Variants in SYNPR observed in about 807,000 individuals in gnomAD.
The protein encoded by SYNPR is synaptoporin.
A neutral mutation model predicts 32.9 loss-of-function variants in SYNPR; 23 were observed. The observed-to-expected ratio is 0.70, with a 90% CI of 0.50 to 0.99. The LOEUF is 0.99. SYNPR is among the 50% of genes least tolerant of loss of function. The pLI, the probability that SYNPR is intolerant of heterozygous loss-of-function variation, is 0.00. For missense variants in SYNPR, 318 were observed against 349.3 expected (o/e 0.91, Z 0.71); for synonymous variants, 146 against 135.9 (o/e 1.07, Z -0.52).
intron 1 of SYNPR, among the ~76,000 whole-genome samples, chr3:63,230,362 A>AT (rs2086157548): frequency 6.6e-6 from 1 of 152,188 alleles, no homozygotes; most frequent in African/African-American, 2.4e-5. Context: ...GAGCATGAAA[A>AT]TCAGGTCTGG....
At chr3:63,586,160 G>T (rs186090675) in intron 4 of SYNPR, among the ~76,000 whole-genome samples, 79 of 152,178 alleles carry the variant, frequency 5.2e-4, no homozygotes, top group African/African-American at 1.9e-3. Flanking sequence ...CAGGCTGACA[G>T]ATGGGTTGAT....
intron 2 of SYNPR, chr3:63,330,444 C>G (rs954656564): frequency 1.6e-5 from 2 of 124,114 alleles, no homozygotes; most frequent in African/African-American, 5.7e-5. Context: ...ACCTTTCTGT[C>G]TCCCCTCTTT....
intron 3 of SYNPR, among the ~76,000 whole-genome samples, chr3:63,499,934 T>C (rs2106734131): frequency 6.6e-6 from 1 of 152,200 alleles, no homozygotes; most frequent in African/African-American, 2.4e-5. Flanking sequence ...AACTGTTTTG[T>C]AAAGTCAAAA....
intron 3 of SYNPR, among the ~76,000 whole-genome samples, chr3:63,506,565 A>C (rs1210549816): frequency 1.3e-5 from 2 of 152,132 alleles, no homozygotes; most frequent in African/African-American, 2.4e-5. Flanking sequence ...GTACGTTGAA[A>C]TTGTAAATGC....
chr3:63,447,640 G>A (rs1230990234), intron 2 of SYNPR, among the ~76,000 whole-genome samples: 1 of 99,680 alleles, frequency 1.0e-5, no homozygotes, highest in Non-Finnish European at 1.8e-5. Flanking sequence ...TTGGTCATCA[G>A]TGTGTCTTTA....
At chr3:63,545,565 A>G (rs1305130211) in intron 3 of SYNPR, 1 of 152,096 alleles carries the variant, frequency 6.6e-6, no homozygotes, top group Non-Finnish European at 1.5e-5. Flanking sequence ...GAACAGCACA[A>G]TATGATAATT....
At chr3:63,455,787 G>GTGTGTGTGT (rs1559504354) in intron 2 of SYNPR, among the ~76,000 whole-genome samples, 2 of 151,216 alleles carry the variant, frequency 1.3e-5, no homozygotes, top group Admixed American at 6.6e-5. Context: ...GTGTGTGTGT[G>GTGTGTGTGT]GATCTTCAGA....
chr3:63,544,860 A>G (rs569941084), intron 3 of SYNPR, among the ~76,000 whole-genome samples: 27 of 151,880 alleles, frequency 1.8e-4, no homozygotes, highest in African/African-American at 6.3e-4. Context: ...ATACTCCATC[A>G]TCTCATTCAA....
intron 2 of SYNPR, among the ~76,000 whole-genome samples, chr3:63,293,654 T>C (rs1434940059): frequency 6.6e-6 from 1 of 152,200 alleles, no homozygotes; most frequent in Admixed American, 6.6e-5. Context: ...TTGGTTCCTT[T>C]TGAGGGTCCT....
At chr3:63,462,823 A>G (rs887669691) in intron 2 of SYNPR, among the ~76,000 whole-genome samples, 5 of 152,168 alleles carry the variant, frequency 3.3e-5, no homozygotes, top group African/African-American at 1.2e-4. Flanking sequence ...CTGCTAAGGA[A>G]GTCAAAACAC....
At chr3:63,450,875 G>A (rs1436299845) in intron 2 of SYNPR, among the ~76,000 whole-genome samples, 3 of 152,100 alleles carry the variant, frequency 2.0e-5, no homozygotes, top group South Asian at 2.1e-4. Context: ...TGTAATTATC[G>A]AGACCCTTGG....
chr3:63,264,141 G>C (rs1408177284), intron 2 of SYNPR, among the ~76,000 whole-genome samples: 7 of 152,126 alleles, frequency 4.6e-5, no homozygotes, highest in Non-Finnish European at 7.3e-5. Flanking sequence ...CTTGTGATTA[G>C]TGTATATAAA....
At chr3:63,488,120 T>G (rs1347059579) in intron 3 of SYNPR, among the ~76,000 whole-genome samples, 1 of 152,208 alleles carries the variant, frequency 6.6e-6, no homozygotes, top group Non-Finnish European at 1.5e-5. Flanking sequence ...AGAGCAGTGA[T>G]GAGAAACATT....
intron 2 of SYNPR, among the ~76,000 whole-genome samples, chr3:63,344,707 A>G (rs1299633529): frequency 6.6e-6 from 1 of 152,080 alleles, no homozygotes; most frequent in East Asian, 1.9e-4. Flanking sequence ...CAGCAGTATT[A>G]CTGTGAAGAG....
intron 2 of SYNPR, among the ~76,000 whole-genome samples, chr3:63,453,311 G>C (rs1387954422): frequency 6.6e-6 from 1 of 152,066 alleles, no homozygotes; most frequent in Admixed American, 6.6e-5. Context: ...AGAAGAGCCT[G>C]GGGAGGAAGA....
intron 1 of SYNPR, among the ~76,000 whole-genome samples, chr3:63,241,437 C>A (rs1037263503): frequency 7.9e-5 from 12 of 151,986 alleles, no homozygotes; most frequent in African/African-American, 1.2e-4. Flanking sequence ...TTGATCTTTG[C>A]CATTTATGGT....
At chr3:63,546,686 C>T (rs781600695) in intron 3 of SYNPR, among the ~76,000 whole-genome samples, 2 of 150,000 alleles carry the variant, frequency 1.3e-5, no homozygotes, top group Non-Finnish European at 3.0e-5. Flanking sequence ...GTGGAGAGGA[C>T]AAAAAATAAT....
intron 3 of SYNPR, among the ~76,000 whole-genome samples, chr3:63,540,925 C>CAA (rs1559530853): frequency 2.1e-5 from 2 of 95,954 alleles, no homozygotes; most frequent in African/African-American, 8.5e-5. Context: ...CACAATCCCC[C>CAA]CCCCAACACA....
At chr3:63,412,876 T>C (rs1328205172) in intron 2 of SYNPR, among the ~76,000 whole-genome samples, 2 of 152,128 alleles carry the variant, frequency 1.3e-5, no homozygotes, top group African/African-American at 4.8e-5. Flanking sequence ...CAGATTTGTG[T>C]TTTAGGTAGA....
Sources: gnomAD v4.1 joint callset for allele counts (sites outside exome capture counted in the v4.1 genomes callset) on GRCh38, gnomAD v4.1.1 for gene constraint, MANE v1.5 for transcripts, NCBI Gene and HGNC (gene_info 2026-07-23, HGNC 2026-07-21) for gene names.